Variants in TCF4 observed in about 807,000 individuals in gnomAD.
TCF4 encodes transcription factor 4.
In TCF4, 3 loss-of-function variants were observed where a neutral mutation model predicts 82.1. That is an observed-to-expected ratio of 0.04 (90% CI 0.02 to 0.09). The LOEUF (loss-of-function observed/expected upper bound fraction) is 0.09, where lower values mean the gene tolerates loss of function less well. Among genes scored for constraint, TCF4 ranks in the 10% least tolerant of loss-of-function variants. TCF4 has a pLI of 1.00. For missense variants in TCF4, 518 were observed against 852.7 expected, an observed-to-expected ratio of 0.61 and a Z score of 4.89; for synonymous variants, 276 against 309.6, an observed-to-expected ratio of 0.89 and a Z score of 1.14.
chr18:55,349,216 A>G (rs1024239139), intron 8 of TCF4, among the ~76,000 whole-genome samples: 2 of 152,122 alleles, frequency 1.3e-5, no homozygotes, highest in Non-Finnish European at 2.9e-5. Context: ...CACCAACTCT[A>G]TGATAATCAG....
chr18:55,447,477 G>C (rs988316804), intron 5 of TCF4, among the ~76,000 whole-genome samples: 1 of 152,052 alleles, frequency 6.6e-6, no homozygotes, highest in African/African-American at 2.4e-5. Flanking sequence ...AAGAAAAGTA[G>C]CATGCCACTA....
intron 8 of TCF4, 128 bp from the exon 9 acceptor site, chr18:55,279,784 C>T: frequency 7.0e-7 from 1 of 1,437,992 alleles, no homozygotes; most frequent in South Asian, 1.4e-5. Flanking sequence ...CTGAACAAAC[C>T]CTAGAAACAG....
At chr18:55,381,930 A>G (rs902230619) in intron 6 of TCF4, among the ~76,000 whole-genome samples, 70 of 151,990 alleles carry the variant, frequency 4.6e-4, no homozygotes, top group Admixed American at 3.1e-3. Flanking sequence ...TTTTTTAAAA[A>G]AGGAAATTCT....
At chr18:55,435,497 G>C (rs767693249) in intron 5 of TCF4, among the ~76,000 whole-genome samples, 4 of 152,162 alleles carry the variant, frequency 2.6e-5, no homozygotes, top group Non-Finnish European at 2.9e-5. Context: ...TTTCTGCCTT[G>C]TTTCCTGAAG....
intron 8 of TCF4, among the ~76,000 whole-genome samples, chr18:55,317,776 C>T (rs916504070): frequency 2.8e-4 from 42 of 152,098 alleles, no homozygotes; most frequent in African/African-American, 9.6e-4. Context: ...TCAAATATTC[C>T]TAATTTTTCA....
chr18:55,635,665 T>C, intron 1 of TCF4: 1 of 1,530,514 alleles, frequency 6.5e-7, no homozygotes, highest in Non-Finnish European at 8.8e-7. Context: ...TTTCAGTTTC[T>C]ACTAAGATGC....
intron 5 of TCF4, among the ~76,000 whole-genome samples, chr18:55,405,354 G>A (rs1190763655): frequency 6.6e-6 from 1 of 152,184 alleles, no homozygotes; most frequent in Non-Finnish European, 1.5e-5. Context: ...AGCTGGGCAG[G>A]TAAGGAGGCA....
At chr18:55,464,315 T>G (rs2095954666) in intron 3 of TCF4, among the ~76,000 whole-genome samples, 178 bp from the exon 4 acceptor site, 1 of 152,182 alleles carries the variant, frequency 6.6e-6, no homozygotes, top group South Asian at 2.1e-4. Flanking sequence ...TCATTTAAAT[T>G]CACAGTAGAA....
At chr18:55,532,333 C>A (rs1300432507) in intron 3 of TCF4, among the ~76,000 whole-genome samples, 2 of 152,162 alleles carry the variant, frequency 1.3e-5, no homozygotes, top group East Asian at 1.9e-4. Flanking sequence ...AATCCTTAAA[C>A]CTCAGGTGCC....
At chr18:55,437,105 T>C (rs2095345360) in intron 5 of TCF4, among the ~76,000 whole-genome samples, 1 of 152,254 alleles carries the variant, frequency 6.6e-6, no homozygotes, top group South Asian at 2.1e-4. Flanking sequence ...TGTTGCTTGG[T>C]CTTAGCTACA....
At chr18:55,495,310 G>GAAA (rs775843147) in intron 3 of TCF4, among the ~76,000 whole-genome samples, 1 of 125,576 alleles carries the variant, frequency 8.0e-6, no homozygotes, top group African/African-American at 3.0e-5. Context: ...AGGTATTTGG[G>GAAA]AAAAAAAAAA....
intron 3 of TCF4, chr18:55,496,463 T>C (rs1016193852): frequency 1.3e-5 from 2 of 148,802 alleles, no homozygotes; most frequent in African/African-American, 2.5e-5. Flanking sequence ...GATGCACAAA[T>C]AGGCATACAG....
chr18:55,451,846 G>A (rs2095630125), intron 5 of TCF4, among the ~76,000 whole-genome samples: 1 of 152,116 alleles, frequency 6.6e-6, no homozygotes, highest in Non-Finnish European at 1.5e-5. Flanking sequence ...CCCAAGGAAA[G>A]ACTTAGAGAA....
At chr18:55,366,346 C>T (rs899453124) in intron 6 of TCF4, among the ~76,000 whole-genome samples, 1 of 152,126 alleles carries the variant, frequency 6.6e-6, no homozygotes, top group African/African-American at 2.4e-5. Context: ...CTAGGTGTAT[C>T]TATTCATATG....
chr18:55,280,541 AT>A (rs1183837868), intron 8 of TCF4, among the ~76,000 whole-genome samples: 2 of 151,874 alleles, frequency 1.3e-5, no homozygotes, highest in Non-Finnish European at 2.9e-5. Context: ...GCTAAATATA[AT>A]TTTTTTTAAT....
At chr18:55,241,136 T>C (rs1439516784) in intron 15 of TCF4, among the ~76,000 whole-genome samples, 1 of 152,242 alleles carries the variant, frequency 6.6e-6, no homozygotes, top group Non-Finnish European at 1.5e-5. Context: ...TTCACCAAAA[T>C]GGTTAAATGA....
intron 5 of TCF4, among the ~76,000 whole-genome samples, chr18:55,420,007 C>A (rs958023764): frequency 1.3e-5 from 2 of 152,164 alleles, no homozygotes; most frequent in South Asian, 2.1e-4. Context: ...TAAAACTGAT[C>A]ACCCACAGGT....
intron 8 of TCF4, among the ~76,000 whole-genome samples, chr18:55,346,786 TAA>T (rs1358705521): frequency 9.8e-5 from 15 of 152,308 alleles, no homozygotes; most frequent in African/African-American, 3.4e-4. Flanking sequence ...ATGGGCAGAA[TAA>T]AGTTTCCAAA....
intron 2 of TCF4, among the ~76,000 whole-genome samples, chr18:55,609,290 A>G (rs79044140): frequency 6.6e-6 from 1 of 152,196 alleles, no homozygotes; most frequent in African/African-American, 2.4e-5. Context: ...TATATTCTCA[A>G]TGAAGCCACT....
Sources: allele counts gnomAD v4.1 joint callset (sites outside exome capture counted in the v4.1 genomes callset), GRCh38; gene constraint gnomAD v4.1.1; transcripts MANE v1.5; gene names NCBI Gene and HGNC (gene_info 2026-07-23, HGNC 2026-07-21).